The following ENOX2 variants were observed in gnomAD, a reference collection of about 807,000 sequenced individuals.
ENOX2 encodes APK1 antigen.
In ENOX2, 36 loss-of-function variants were observed where a neutral mutation model predicts 45.0. The ratio of observed to expected loss-of-function variants is 0.80; its 90% CI spans 0.61 to 1.06. ENOX2 has a LOEUF of 1.06. Ranked by LOEUF, ENOX2 falls within the 50% of genes least tolerant of loss-of-function variation. The pLI, the probability that ENOX2 is intolerant of heterozygous loss-of-function variation, is 0.00. For missense variants in ENOX2, 423 were observed against 462.5 expected, an observed-to-expected ratio of 0.91 and a Z score of 0.78; for synonymous variants, 174 against 152.3, an observed-to-expected ratio of 1.14 and a Z score of -1.05.
chrX:130,847,699 T>C (rs1387241120), intron 2 of ENOX2, among the ~76,000 whole-genome samples: 1 of 112,416 alleles, frequency 8.9e-6, no homozygotes, highest in Admixed American at 9.4e-5. Context: ...ATATCTGCAC[T>C]CCTACGGTGA....
At chrX:130,725,143 T>A (rs1475651702) in intron 3 of ENOX2, among the ~76,000 whole-genome samples, 1 of 111,404 alleles carries the variant, frequency 9.0e-6, no homozygotes, top group African/African-American at 3.3e-5. Context: ...CTCCCCTTAT[T>A]CTGTCTTCCC....
chrX:130,755,970 A>AT lies in ENOX2; in HGVS notation c.-39+27576dup, dbSNP rs745560915. Among the ~76,000 whole-genome samples the AT allele has an allele frequency of 4.5e-5, 5 of 111,127 alleles. No homozygotes were observed. The South Asian group carries it at 1.2e-3, about 26-fold the overall frequency. ...TTTGATTTTTACATCATGGGGTCACATTTTTTTATCAGGCTCCATGATGTA... is the reference window on the plus strand; with the variant it reads ...TTTGATTTTTACATCATGGGGTCACATTTTTTTTATCAGGCTCCATGATGTA... On this transcript the variant is annotated intron_variant, in intron 3 of 14. Coordinates refer to ENST00000394363, the MANE Select transcript of ENOX2 (RefSeq NM_006375.4).
chrX:130,898,360 T>C (rs1190140854), intron 2 of ENOX2, among the ~76,000 whole-genome samples: 1 of 112,050 alleles, frequency 8.9e-6, no homozygotes, highest in Non-Finnish European at 1.9e-5. Flanking sequence ...AAAATAAAAA[T>C]ACGCAAAAGG....
chrX:130,896,307 G>A (rs2079058058), intron 2 of ENOX2, among the ~76,000 whole-genome samples: 1 of 110,624 alleles, frequency 9.0e-6, no homozygotes, highest in Non-Finnish European at 1.9e-5. Flanking sequence ...CAGATCATTT[G>A]CTTATCAGCT....
At chrX:130,629,464 T>C (rs767555225) in intron 13 of ENOX2, among the ~76,000 whole-genome samples, 1 of 112,832 alleles carries the variant, frequency 8.9e-6, no homozygotes, top group Admixed American at 9.3e-5. Context: ...AGAATCTTTT[T>C]TTCTAGGACT....
chrX:130,693,988 A>G lies in ENOX2; in HGVS notation c.98-4970T>C, dbSNP rs367706257. 2.1e-4 allele frequency among the ~76,000 whole-genome samples: 23 copies of G among 111,889 alleles called. 1 individual carries two copies. Among genetic ancestry groups the G allele is most frequent in the Admixed American group, 1.8e-3 (19 of 10,572 alleles). On this transcript the variant is annotated intron_variant, in intron 4 of 14. Transcript: ENST00000394363. The stretch of plus-strand genomic sequence containing the variant: ...TGGATCCAGCTGAGCCCAGTCTTGT[A>G]TCTGTCCTTACCAAGGTGCCATGCA...
At position 130,637,082 on chromosome X, in the gene ENOX2, C is replaced by T. The variant is rs778624055; in HGVS notation, c.1311+147G>A. 1.4e-4 allele frequency: 72 copies of T among 522,867 alleles called. No individual in the cohort carries two copies. The African/African-American group carries it at 1.5e-3, about 11-fold the overall frequency. The allele number at this position is 522,867 out of a possible 1,213,427, so 43.1% of individuals were successfully genotyped here. A position where few individuals can be genotyped will look rare whatever the true frequency, so the allele number is the denominator to read the frequency against. ...AATTGGAATATTTAATTAAACACAA[C>T]AATAACTCCTTCCTCAGCCATGCCA... is the stretch of plus-strand genomic sequence containing the variant. On this transcript the variant is annotated intron_variant, in intron 11 of 14. Transcript: ENST00000394363.
chrX:130,723,095 C>T (rs1603326306), intron 3 of ENOX2, among the ~76,000 whole-genome samples: 1 of 112,400 alleles, frequency 8.9e-6, no homozygotes, highest in East Asian at 2.8e-4. Context: ...CATCCTTCTG[C>T]ATTACCCTTC....
intron 3 of ENOX2, among the ~76,000 whole-genome samples, chrX:130,778,742 C>A (rs2039911736): frequency 8.9e-6 from 1 of 112,292 alleles, no homozygotes; most frequent in Non-Finnish European, 1.9e-5. Flanking sequence ...CCTCTTTTCA[C>A]ACTGAGTCAT....
At chrX:130,818,596 A>G (rs187678480) in intron 2 of ENOX2, among the ~76,000 whole-genome samples, 5 of 111,770 alleles carry the variant, frequency 4.5e-5, no homozygotes, top group African/African-American at 1.6e-4. Flanking sequence ...ATAATGCCAC[A>G]TATCTACAAC....
intron 5 of ENOX2, among the ~76,000 whole-genome samples, chrX:130,681,000 AG>A (rs1172064301): frequency 1.8e-5 from 2 of 112,332 alleles, no homozygotes; most frequent in Non-Finnish European, 3.8e-5. Context: ...GGTCAAAAAA[AG>A]GGGTAAAGGG....
At chrX:130,681,301 G>C (rs1430663693) in intron 5 of ENOX2, among the ~76,000 whole-genome samples, 1 of 112,258 alleles carries the variant, frequency 8.9e-6, no homozygotes, top group South Asian at 3.7e-4. Context: ...TGGCACATTT[G>C]AATCAATTTG....
At chrX:130,794,789 T>G (rs1423294815) in intron 2 of ENOX2, among the ~76,000 whole-genome samples, 1 of 112,403 alleles carries the variant, frequency 8.9e-6, no homozygotes, top group African/African-American at 3.2e-5. Context: ...TATCTTTGCT[T>G]TGCCCAAAAT....
chrX:130,679,586 C>A lies in ENOX2; in HGVS notation c.416G>T (p.Arg139Leu). 8.3e-7 allele frequency: 1 copy of A among 1,211,034 alleles called. No individual in the cohort carries two copies. The highest frequency in any genetic ancestry group is 1.8e-5 in the South Asian group (1 of 56,932). The change falls in exon 6 of 15, where the codon CGC (arginine) becomes CTC (leucine). Residue 139 changes from arginine (R) to leucine (L), a missense_variant. Arg to Leu is a moderately radical substitution (Grantham distance 102). Transcript: ENST00000394363. Reference sequence around the variant, plus strand: ...GTCCACCATGTACTCCTCAGCAAAGCGAATGTGGCAGAAGTTCTTCTTGCT... The same window carrying A: ...GTCCACCATGTACTCCTCAGCAAAGAGAATGTGGCAGAAGTTCTTCTTGCT... ...RKSKKNFCHI[R>L]FAEEYMVDKA... is the part of the protein sequence containing the mutation.
At chrX:130,630,776 T>C (rs940428601) in intron 13 of ENOX2, among the ~76,000 whole-genome samples, 3 of 111,131 alleles carry the variant, frequency 2.7e-5, no homozygotes, top group African/African-American at 9.8e-5. Flanking sequence ...ACTGTATATT[T>C]GAGACTGGCA....
At chrX:130,641,435 T>A (rs965191357) in intron 10 of ENOX2, among the ~76,000 whole-genome samples, 1 of 111,252 alleles carries the variant, frequency 9.0e-6, no homozygotes, top group Non-Finnish European at 1.9e-5. Context: ...ATAAAAACTT[T>A]TGGCTGGGCG....
intron 2 of ENOX2, among the ~76,000 whole-genome samples, chrX:130,847,459 T>TA (rs1300087673): frequency 3.6e-5 from 4 of 111,749 alleles, no homozygotes; most frequent in Non-Finnish European, 7.5e-5. Flanking sequence ...AATCCAATTA[T>TA]AAAAAACAAT....
At chrX:130,733,853 A>G (rs1344091864) in intron 3 of ENOX2, among the ~76,000 whole-genome samples, 1 of 112,340 alleles carries the variant, frequency 8.9e-6, no homozygotes, top group African/African-American at 3.2e-5. Context: ...AATATCCTGG[A>G]TGTGATATTA....
chrX:130,712,617 C>G (rs1367857099), intron 3 of ENOX2, among the ~76,000 whole-genome samples: 2 of 111,038 alleles, frequency 1.8e-5, no homozygotes, highest in Non-Finnish European at 3.8e-5. Flanking sequence ...CTAGCAGGCC[C>G]CCACACATGC....
Sources: allele counts gnomAD v4.1 joint callset (sites outside exome capture counted in the v4.1 genomes callset), GRCh38; gene constraint gnomAD v4.1.1; transcripts MANE v1.5; gene names NCBI Gene and HGNC (gene_info 2026-07-23, HGNC 2026-07-21).